STXBP5L: variants seen among roughly 807,000 people sequenced by gnomAD.
The protein encoded by STXBP5L is syntaxin-binding protein 5-like.
STXBP5L carries 65 observed loss-of-function variants against 144.5 expected under a neutral mutation model. That is an observed-to-expected ratio of 0.45 (90% CI 0.37 to 0.55). STXBP5L has a LOEUF of 0.55. Among genes scored for constraint, STXBP5L ranks in the 20% least tolerant of loss-of-function variants. The pLI, the probability that STXBP5L is intolerant of heterozygous loss-of-function variation, is 0.00. For synonymous variants in STXBP5L, 505 were observed against 469.6 expected (o/e 1.08, Z -0.97); for missense variants, 1,298 against 1,405.5 (o/e 0.92, Z 1.22).
chr3:120,932,847 C>G (rs1191824530), intron 2 of STXBP5L, among the ~76,000 whole-genome samples: 1 of 152,048 alleles, frequency 6.6e-6, no homozygotes, highest in East Asian at 1.9e-4. Flanking sequence ...CACATATACA[C>G]CATGGAATAC....
intron 12 of STXBP5L, among the ~76,000 whole-genome samples, chr3:121,236,829 A>T (rs2049498507): frequency 6.6e-6 from 1 of 152,282 alleles, no homozygotes; most frequent in African/African-American, 2.4e-5. Context: ...CTTATAAAAT[A>T]TGAAACAAGT....
At position 121,259,596 on chromosome 3, in the gene STXBP5L, A is replaced by T. The variant is rs572876996; in HGVS notation, c.1958+428A>T. Among the ~76,000 whole-genome samples, 401 of 152,224 alleles carry T rather than the reference A, an allele frequency of 2.6e-3. 4 individuals are homozygous for T. The highest frequency in any genetic ancestry group is 9.0e-3 in the African/African-American group (375 of 41,552). On this transcript the variant is annotated intron_variant, in intron 18 of 26. Transcript: ENST00000471454. The stretch of plus-strand genomic sequence containing the variant: ...TTTTCAGTTCTAGACCTTACATTTG[A>T]TTATTTTAAAACATCCTGTTCTCTT...
At chr3:121,159,199 T>G (rs2046225565) in intron 9 of STXBP5L, among the ~76,000 whole-genome samples, 1 of 151,980 alleles carries the variant, frequency 6.6e-6, no homozygotes, top group Non-Finnish European at 1.5e-5. Flanking sequence ...AAATGTAATA[T>G]TATTAATCAT....
Position 121,421,378 on chromosome 3 carries a change from G to T in STXBP5L, c.*2281G>T, listed in dbSNP as rs1252450640. On this transcript the variant is annotated 3_prime_UTR_variant, in exon 27 of 27. Coordinates refer to ENST00000471454, the MANE Select transcript of STXBP5L (RefSeq NM_001308330.2). ...GCAGCACTATTAGCTGAAAGTCTTT[G>T]TTGTGGGGAACTGTCCTGTGTATTG... is the stretch of plus-strand genomic sequence containing the variant. The T allele has an allele frequency of 1.3e-5, 2 of 152,232 alleles. No individual in the cohort carries two copies. The highest frequency in any genetic ancestry group is 3.9e-4 in the East Asian group (2 of 5,184). 9.4% of individuals were successfully genotyped at this position (152,232 alleles called of 1,614,324 possible).
intron 5 of STXBP5L, among the ~76,000 whole-genome samples, chr3:121,093,044 C>G (rs1172318649): frequency 1.3e-5 from 2 of 151,966 alleles, no homozygotes; most frequent in Non-Finnish European, 2.9e-5. Flanking sequence ...TGGTTTTTGC[C>G]TTTGGTTCTG....
chr3:121,310,532 A>G (rs948590768), intron 19 of STXBP5L, among the ~76,000 whole-genome samples: 5 of 151,792 alleles, frequency 3.3e-5, no homozygotes, highest in Non-Finnish European at 7.4e-5. Context: ...GGAGAGGGGC[A>G]TGAACCCAGG....
chr3:121,162,919 C>A (rs892818928), intron 9 of STXBP5L, among the ~76,000 whole-genome samples: 3 of 152,116 alleles, frequency 2.0e-5, no homozygotes, highest in African/African-American at 7.2e-5. Flanking sequence ...AGTCAGGAAA[C>A]AACAGATGCT....
chr3:121,318,513 C>A lies in STXBP5L; in HGVS notation c.2149C>A (p.Leu717Ile), dbSNP rs755109991. ...GAATGACAGTCCAGTTCCCCTAGAACTTGAGCGCTGCAAGTCTCCTACCTC... is the reference window on the plus strand; with the variant it reads ...GAATGACAGTCCAGTTCCCCTAGAAATTGAGCGCTGCAAGTCTCCTACCTC... ...ELNDSPVPLELERCKSPTSDH... is the reference protein window; with the variant it reads ...ELNDSPVPLEIERCKSPTSDH... Residue 717 changes from leucine (L) to isoleucine (I), a missense_variant, in exon 20 of 27, where the codon CTT becomes ATT. Coordinates refer to ENST00000471454, the MANE Select transcript of STXBP5L (RefSeq NM_001308330.2). 6.4e-7 allele frequency: 1 copy of A among 1,564,382 alleles called. No homozygotes were observed. The highest frequency in any genetic ancestry group is 1.2e-5 in the South Asian group (1 of 82,128).
At chr3:121,057,193 T>C (rs1170031233) in intron 5 of STXBP5L, among the ~76,000 whole-genome samples, 1 of 151,980 alleles carries the variant, frequency 6.6e-6, no homozygotes, top group Non-Finnish European at 1.5e-5. Flanking sequence ...GAAAACTTCA[T>C]ATATATTATT....
intron 2 of STXBP5L, among the ~76,000 whole-genome samples, chr3:120,928,874 G>C (rs1342350347): frequency 6.6e-6 from 1 of 151,982 alleles, no homozygotes; most frequent in Non-Finnish European, 1.5e-5. Flanking sequence ...TTAGTTTTTT[G>C]TTATGTGGAA....
chr3:121,347,525 T>G (rs1332967179), intron 20 of STXBP5L, among the ~76,000 whole-genome samples: 3 of 152,224 alleles, frequency 2.0e-5, no homozygotes, highest in Non-Finnish European at 2.9e-5. Flanking sequence ...GGGGATGGCA[T>G]TGAATCTATA....
At chr3:121,385,122 A>T (rs975537500) in intron 22 of STXBP5L, among the ~76,000 whole-genome samples, 2 of 152,024 alleles carry the variant, frequency 1.3e-5, no homozygotes, top group Admixed American at 6.6e-5. Flanking sequence ...CATTCTCCTT[A>T]CCCCAGTGGT....
At chr3:121,183,063 TG>T (rs1181047990) in intron 9 of STXBP5L, among the ~76,000 whole-genome samples, 1 of 151,864 alleles carries the variant, frequency 6.6e-6, no homozygotes, top group Non-Finnish European at 1.5e-5. Flanking sequence ...CAAAAATTGG[TG>T]GGGAAAAAGT....
chr3:121,342,515 G>A (rs971967822), intron 20 of STXBP5L, among the ~76,000 whole-genome samples: 3 of 91,868 alleles, frequency 3.3e-5, no homozygotes, highest in Non-Finnish European at 6.3e-5. Context: ...ACCCCACAAC[G>A]GTCCCCAGAG....
At chr3:121,268,737 T>G (rs2050650936) in intron 18 of STXBP5L, among the ~76,000 whole-genome samples, 1 of 152,250 alleles carries the variant, frequency 6.6e-6, no homozygotes, top group Non-Finnish European at 1.5e-5. Context: ...TTTCTATTTT[T>G]TTTTCATTGT....
intron 19 of STXBP5L, among the ~76,000 whole-genome samples, chr3:121,307,457 A>C (rs1322195900): frequency 6.6e-6 from 1 of 152,196 alleles, no homozygotes; most frequent in Non-Finnish European, 1.5e-5. Flanking sequence ...CAAATCAAGA[A>C]CATAAATAAA....
intron 3 of STXBP5L, among the ~76,000 whole-genome samples, chr3:120,970,687 C>A (rs1479139117): frequency 6.6e-6 from 1 of 152,066 alleles, no homozygotes; most frequent in East Asian, 1.9e-4. Flanking sequence ...ACTTCCTATA[C>A]CTGGACGATG....
intron 20 of STXBP5L, among the ~76,000 whole-genome samples, chr3:121,348,694 A>G (rs938945954): frequency 2.0e-5 from 3 of 151,970 alleles, no homozygotes; most frequent in Non-Finnish European, 2.9e-5. Context: ...GGGAGGGTGT[A>G]TGTGTCGAGG....
intron 10 of STXBP5L, among the ~76,000 whole-genome samples, chr3:121,216,761 A>T (rs2048790992): frequency 6.6e-6 from 1 of 152,154 alleles, no homozygotes; most frequent in Admixed American, 6.5e-5. Context: ...AGGAATGTTT[A>T]AGTCGGCTTA....
Sources: allele counts gnomAD v4.1 joint callset (sites outside exome capture counted in the v4.1 genomes callset), GRCh38; gene constraint gnomAD v4.1.1; transcripts MANE v1.5; gene names NCBI Gene and HGNC (gene_info 2026-07-23, HGNC 2026-07-21).